TJP1: variants seen among roughly 807,000 people sequenced by gnomAD.
TJP1 encodes the protein tight junction protein ZO-1.
A neutral mutation model predicts 194.2 loss-of-function variants in TJP1; 43 were observed. The observed-to-expected ratio is 0.22, with a 90% CI of 0.17 to 0.29. The LOEUF (loss-of-function observed/expected upper bound fraction) is 0.29, where lower values mean the gene tolerates loss of function less well. Among genes scored for constraint, TJP1 ranks in the 10% least tolerant of loss-of-function variants. The probability of loss-of-function intolerance (pLI) is 1.00; values close to 1 mark genes in which losing one functional copy is unlikely to be tolerated. For missense variants in TJP1, 1,971 were observed against 2,185.7 expected (o/e 0.90, Z 1.96); for synonymous variants, 801 against 779.0 (o/e 1.03, Z -0.47).
chr15:29,863,343 G>C (rs2052169391), intron 2 of TJP1, among the ~76,000 whole-genome samples: 1 of 152,076 alleles, frequency 6.6e-6, no homozygotes, highest in Non-Finnish European at 1.5e-5. Context: ...TATGGACGAT[G>C]GTTTGCAGGA....
chr15:29,714,689 C>T (rs550116276), intron 23 of TJP1, among the ~76,000 whole-genome samples: 3 of 150,644 alleles, frequency 2.0e-5, no homozygotes, highest in South Asian at 2.1e-4. Context: ...TATAGGAGCC[C>T]GCCACCACGC....
chr15:29,858,098 G>A (rs947577264), intron 2 of TJP1, among the ~76,000 whole-genome samples: 1 of 152,088 alleles, frequency 6.6e-6, no homozygotes, highest in African/African-American at 2.4e-5. Flanking sequence ...CAGTAATTCT[G>A]CCTTCAGGAC....
At chr15:29,854,722 G>A (rs141100139) in intron 2 of TJP1, among the ~76,000 whole-genome samples, 13 of 152,190 alleles carry the variant, frequency 8.5e-5, no homozygotes, top group African/African-American at 2.2e-4. Context: ...CCCTTCACCC[G>A]GAGTACAATC....
chr15:29,723,273 G>A (rs1023399297), intron 18 of TJP1, among the ~76,000 whole-genome samples: 1 of 152,144 alleles, frequency 6.6e-6, no homozygotes, highest in Non-Finnish European at 1.5e-5. Context: ...TTGGAGTGGG[G>A]CCTGGTAGGA....
intron 2 of TJP1, among the ~76,000 whole-genome samples, chr15:29,949,919 ACCTT>A (rs2055595213): frequency 1.9e-5 from 1 of 53,470 alleles, no homozygotes; most frequent in Non-Finnish European, 3.1e-5. Context: ...CTCCACCTCC[ACCTT>A]CACCACCACC....
intron 15 of TJP1, chr15:29,732,167 A>G: frequency 2.3e-6 from 1 of 425,798 alleles, no homozygotes; most frequent in South Asian, 3.1e-5. Context: ...ACCTCAGAGC[A>G]TGACTGGGAG....
In TJP1 at chr15:29,946,588, T is replaced by C. The variant is rs77307520; in HGVS notation, c.306+9644A>G. On this transcript the variant is annotated intron_variant, in intron 2 of 28. Coordinates refer to the TJP1 transcript ENST00000356107. ...CCTGAATCTGCTCATGAAGAAACAC[T>C]CGATGGACCCAGGCTGAAAATTCTT... 4.2e-3 allele frequency among the ~76,000 whole-genome samples: 635 copies of C among 152,268 alleles called. 5 individuals carry two copies. Among genetic ancestry groups the C allele is most frequent in the African/African-American group, 0.015 (603 of 41,546 alleles).
At chr15:29,772,474 G>A (rs1213190414) in intron 3 of TJP1, among the ~76,000 whole-genome samples, 1 of 152,134 alleles carries the variant, frequency 6.6e-6, no homozygotes, top group African/African-American at 2.4e-5. Flanking sequence ...GGCATTAAAT[G>A]ATACTAAGTC....
intron 2 of TJP1, among the ~76,000 whole-genome samples, chr15:29,875,976 A>G (rs2052683613): frequency 6.6e-6 from 1 of 152,204 alleles, no homozygotes; most frequent in East Asian, 1.9e-4. Context: ...GCCTTGTCCA[A>G]TATGGTAACT....
intron 1 of TJP1, chr15:29,968,531 G>C (rs948735902): frequency 3.7e-6 from 3 of 802,496 alleles, no homozygotes; most frequent in African/African-American, 1.9e-5. Context: ...GGCGCGCCCC[G>C]CGTCCCGTCG....
intron 2 of TJP1, among the ~76,000 whole-genome samples, chr15:29,775,520 G>A (rs962454237): frequency 1.3e-5 from 2 of 152,062 alleles, no homozygotes; most frequent in African/African-American, 4.8e-5. Flanking sequence ...TGGAAGACAG[G>A]CACAGAAATG....
chr15:29,822,101 C>T lies in TJP1; in HGVS notation c.-73G>A. The T allele has an allele frequency of 8.1e-7, 1 of 1,233,764 alleles. No individual in the cohort carries two copies. Among genetic ancestry groups the T allele is most frequent in the Non-Finnish European group, 1.0e-6 (1 of 986,634 alleles). 76.4% of individuals were successfully genotyped at this position (1,233,764 alleles called of 1,614,324 possible). ...GCGGCGCTGGCCCGCCCGCTCCTCA[C>T]GCCACAGCCCAAATAAACATCTCCC... On this transcript the variant is annotated 5_prime_UTR_variant, in exon 1 of 28. The change creates a new upstream start codon in the 5' untranslated region. Coordinates refer to ENST00000614355, the MANE Select transcript of TJP1 (RefSeq NM_001330239.4).
intron 1 of TJP1, among the ~76,000 whole-genome samples, chr15:29,815,957 G>A (rs931753383): frequency 6.6e-6 from 1 of 151,780 alleles, no homozygotes; most frequent in African/African-American, 2.4e-5. Flanking sequence ...TACATATACT[G>A]CGTTACAGCC....
Position 29,734,307 on chromosome 15 carries a change from C to T in TJP1, c.1483G>A (p.Glu495Lys). Residue 495 changes from glutamate to lysine, a missense_variant, in exon 12 of 28, where the codon GAA becomes AAA. Transcript: ENST00000614355. ...TTCTTCTGAGCCAATATGGTCACTTCTTCTCCTTTAGGGAGGTCAAGCAGG... is the reference window on the plus strand; with the variant it reads ...TTCTTCTGAGCCAATATGGTCACTTTTTCTCCTTTAGGGAGGTCAAGCAGG... Reference protein sequence around the residue: ...LFLLDLPKGEEVTILAQKKKD... With the variant: ...LFLLDLPKGEKVTILAQKKKD... 1.2e-6 allele frequency: 2 copies of T among 1,612,776 alleles called. No individual in the cohort carries two copies. Among genetic ancestry groups the T allele is most frequent in the Non-Finnish European group, 1.7e-6 (2 of 1,179,664 alleles).
intron 1 of TJP1, among the ~76,000 whole-genome samples, chr15:29,959,678 C>G (rs1163497197): frequency 6.6e-6 from 1 of 152,192 alleles, no homozygotes; most frequent in Non-Finnish European, 1.5e-5. Flanking sequence ...TCTATCCCTA[C>G]CTACTAGTTA....
intron 2 of TJP1, among the ~76,000 whole-genome samples, chr15:29,878,828 A>G (rs2052811774): frequency 6.6e-6 from 1 of 152,136 alleles, no homozygotes; most frequent in African/African-American, 2.4e-5. Context: ...TTGCATATTA[A>G]TTAACGCCCA....
At chr15:29,715,491 C>T (rs1284632950) in intron 23 of TJP1, among the ~76,000 whole-genome samples, 1 of 152,132 alleles carries the variant, frequency 6.6e-6, no homozygotes, top group Non-Finnish European at 1.5e-5. Context: ...AAAGTATGTT[C>T]TAAAACAATT....
chr15:29,794,539 C>G (rs2048288783), intron 2 of TJP1, among the ~76,000 whole-genome samples: 1 of 152,266 alleles, frequency 6.6e-6, no homozygotes, highest in African/African-American at 2.4e-5. Context: ...TCAGAAAAAT[C>G]AGATTCTGTT....
chr15:29,736,474 G>C (rs1288513709), intron 11 of TJP1, among the ~76,000 whole-genome samples: 7 of 152,236 alleles, frequency 4.6e-5, no homozygotes, highest in Non-Finnish European at 1.0e-4. Context: ...CAAAGACTTT[G>C]TGGTAGAGAA....
Sources: allele counts gnomAD v4.1 joint callset (sites outside exome capture counted in the v4.1 genomes callset), GRCh38; gene constraint gnomAD v4.1.1; transcripts MANE v1.5; gene names NCBI Gene and HGNC (gene_info 2026-07-23, HGNC 2026-07-21).